The following PALMD variants were observed in gnomAD, a reference collection of about 807,000 sequenced individuals.
PALMD encodes paralemmin-like protein.
A neutral mutation model predicts 56.2 loss-of-function variants in PALMD; 42 were observed. The ratio of observed to expected loss-of-function variants is 0.75; its 90% CI spans 0.58 to 0.97. PALMD has a LOEUF of 0.97. Ranked by LOEUF, PALMD falls within the 50% of genes least tolerant of loss-of-function variation. The probability of loss-of-function intolerance (pLI) is 0.00; values close to 1 mark genes in which losing one functional copy is unlikely to be tolerated. For missense variants in PALMD, 660 were observed against 643.8 expected, an observed-to-expected ratio of 1.03 and a Z score of -0.27; for synonymous variants, 242 against 222.9, an observed-to-expected ratio of 1.09 and a Z score of -0.76.
chr1:99,691,157 G>A (rs1653644018), intron 7 of PALMD, among the ~76,000 whole-genome samples: 1 of 152,118 alleles, frequency 6.6e-6, no homozygotes, highest in Non-Finnish European at 1.5e-5. Context: ...GAGAGCTTTG[G>A]TCACTGATCA....
chr1:99,676,066 C>A (rs1156553674), intron 3 of PALMD, among the ~76,000 whole-genome samples: 1 of 152,162 alleles, frequency 6.6e-6, no homozygotes, highest in Non-Finnish European at 1.5e-5. Flanking sequence ...CTCTCTGCTT[C>A]TTGTTATCTT....
chr1:99,668,065 G>T (rs192690518), intron 3 of PALMD: 4 of 273,618 alleles, frequency 1.5e-5, no homozygotes, highest in African/African-American at 6.5e-5. Context: ...TTTTTGTAGA[G>T]ACAGGGTTTC....
intron 3 of PALMD, 130 bp from the exon 4 acceptor site, chr1:99,686,543 CATT>C: frequency 1.8e-6 from 1 of 555,558 alleles, no homozygotes; most frequent in East Asian, 3.0e-5. Flanking sequence ...CTAAGTGTGA[CATT>C]ATATTCTTAG....
chr1:99,652,248 A>G (rs1262231753), intron 1 of PALMD, among the ~76,000 whole-genome samples: 1 of 152,216 alleles, frequency 6.6e-6, no homozygotes, highest in African/African-American at 2.4e-5. Context: ...TTTTCTGACC[A>G]CAGCATCATG....
chr1:99,693,324 G>A, intron 7 of PALMD, among the ~76,000 whole-genome samples: 1 of 152,082 alleles, frequency 6.6e-6, no homozygotes, highest in East Asian at 1.9e-4. Context: ...TAAATAATAA[G>A]AATAGAATAC....
intron 2 of PALMD, 46 bp downstream of exon 2, chr1:99,662,445 A>T (rs536107187): frequency 2.8e-6 from 3 of 1,089,850 alleles, no homozygotes; most frequent in African/African-American, 3.2e-5. Context: ...GTATTCAAAA[A>T]TTCTATTGGT....
In PALMD at chr1:99,688,897, G is replaced by A. The variant is rs1281861351; in HGVS notation, c.637G>A (p.Gly213Arg). The change falls in exon 7 of 8, where the codon GGG becomes AGG. Residue 213 changes from glycine (G) to arginine (R), a missense_variant. Gly to Arg is a moderately radical substitution (Grantham distance 125). Transcript: ENST00000263174. ...KGTGIKVYDD[G>R]QKSVYAVSSN... The stretch of plus-strand genomic sequence containing the variant: ...TACAGGAATAAAAGTTTATGATGAT[G>A]GGCAAAAGTCAGTGTATGCAGTAAG... 22 of 1,613,648 alleles carry A rather than the reference G, an allele frequency of 1.4e-5. No individual in the cohort carries two copies. Among genetic ancestry groups the A allele is most frequent in the Non-Finnish European group, 1.8e-5 (21 of 1,179,686 alleles).
intron 2 of PALMD, among the ~76,000 whole-genome samples, chr1:99,665,313 T>C (rs1652938606): frequency 6.6e-6 from 1 of 152,158 alleles, no homozygotes; most frequent in Non-Finnish European, 1.5e-5. Flanking sequence ...CATTGTAAAG[T>C]AGATTTTATT....
intron 3 of PALMD, among the ~76,000 whole-genome samples, chr1:99,672,753 A>T (rs1653114166): frequency 6.6e-6 from 1 of 152,230 alleles, no homozygotes; most frequent in Admixed American, 6.5e-5. Flanking sequence ...GAAATGTCAT[A>T]AGCATGAAAT....
rs1652771393 is a variant in PALMD at position 99,658,317 on chromosome 1, AAG to A, written c.46-4000_46-3999del. ...AGACTCTGTCTCAAAAAAAAAAAAA[AAG>A]AAAAAAGAAAAACTATTACATGTAA... is the stretch of plus-strand genomic sequence containing the variant. On this transcript the variant is annotated intron_variant, in intron 1 of 7. Coordinates refer to ENST00000263174, the MANE Select transcript of PALMD (RefSeq NM_017734.5). 2.0e-5 allele frequency among the ~76,000 whole-genome samples: 3 copies of A among 151,752 alleles called. No homozygotes were observed. The East Asian group carries it at 5.8e-4, about 29-fold the overall frequency.
intron 6 of PALMD, among the ~76,000 whole-genome samples, chr1:99,688,006 A>C (rs1184471018): frequency 6.6e-6 from 1 of 152,132 alleles, no homozygotes; most frequent in Non-Finnish European, 1.5e-5. Context: ...TATTCGCTTT[A>C]CCTTTCCTAT....
intron 7 of PALMD, among the ~76,000 whole-genome samples, chr1:99,691,566 T>C (rs937084416): frequency 6.6e-6 from 1 of 152,194 alleles, no homozygotes; most frequent in African/African-American, 2.4e-5. Flanking sequence ...CAATTCGGCA[T>C]ACAGACTACA....
At chr1:99,681,105 ATGTGTGTGTG>A (rs56957907) in intron 3 of PALMD, among the ~76,000 whole-genome samples, 1 of 148,746 alleles carries the variant, frequency 6.7e-6, no homozygotes, top group Non-Finnish European at 1.5e-5. Context: ...GTGTGTATAT[ATGTGTGTGTG>A]TGTGTGTGTG....
intron 4 of PALMD, 44 bp from the exon 5 acceptor site, chr1:99,686,885 AT>A (rs765455836): frequency 7.0e-7 from 1 of 1,434,334 alleles, no homozygotes; most frequent in Non-Finnish European, 9.7e-7. Context: ...TTTAGATTCT[AT>A]TTTTTAAACT....
Position 99,667,668 on chromosome 1 carries a change from T to G in PALMD, c.153T>G (p.Leu51=), listed in dbSNP as rs770458707. The G allele has an allele frequency of 6.2e-7, 1 of 1,613,136 alleles. No homozygotes were observed. Among genetic ancestry groups the G allele is most frequent in the South Asian group, 1.1e-5 (1 of 91,054 alleles). ...AAAAGGCCTTGAGGGAGAAATGGCT[T>G]CTAGATGGAATCAGCAGCGGAAAAG... is the stretch of plus-strand genomic sequence containing the variant. The part of the protein sequence containing the change: ...LKKKALREKW[L]LDGISSGKEQ... The change falls in exon 3 of 8, where the codon CTT becomes CTG. Residue 51 remains leucine, a synonymous_variant. Transcript: ENST00000263174.
chr1:99,682,487 A>G (rs1322115132), intron 3 of PALMD, among the ~76,000 whole-genome samples: 3 of 152,192 alleles, frequency 2.0e-5, no homozygotes, highest in Non-Finnish European at 4.4e-5. Flanking sequence ...AATATTCATT[A>G]ACAGATACGC....
chr1:99,680,258 T>C (rs966298479), intron 3 of PALMD, among the ~76,000 whole-genome samples: 3 of 152,136 alleles, frequency 2.0e-5, no homozygotes, highest in African/African-American at 7.2e-5. Flanking sequence ...CATTATCTCG[T>C]GATGATTAAG....
At chr1:99,653,170 A>G (rs1222573802) in intron 1 of PALMD, among the ~76,000 whole-genome samples, 1 of 149,060 alleles carries the variant, frequency 6.7e-6, no homozygotes, top group African/African-American at 2.6e-5. Context: ...AAAACAAAAC[A>G]ACAAAACAAA....
At chr1:99,676,098 T>C (rs1053719052) in intron 3 of PALMD, among the ~76,000 whole-genome samples, 1 of 152,178 alleles carries the variant, frequency 6.6e-6, no homozygotes, top group Non-Finnish European at 1.5e-5. Context: ...ATTGTATTGT[T>C]TGTCCTATTC....
Sources: allele counts gnomAD v4.1 joint callset (sites outside exome capture counted in the v4.1 genomes callset), GRCh38; gene constraint gnomAD v4.1.1; transcripts MANE v1.5; gene names NCBI Gene and HGNC (gene_info 2026-07-23, HGNC 2026-07-21).